Variants in TUBE1 observed in about 807,000 individuals in gnomAD.
The protein encoded by TUBE1 is tubulin epsilon 1.
A neutral mutation model predicts 53.5 loss-of-function variants in TUBE1; 34 were observed. The observed-to-expected ratio is 0.64, with a 90% confidence interval of 0.48 to 0.85. The LOEUF is 0.85. Among genes scored for constraint, TUBE1 ranks in the 40% least tolerant of loss-of-function variants. The probability of loss-of-function intolerance (pLI) is 0.00; values close to 1 mark genes in which losing one functional copy is unlikely to be tolerated. For synonymous variants in TUBE1, 177 were observed against 198.4 expected (o/e 0.89, Z 0.91); for missense variants, 532 against 570.5 (o/e 0.93, Z 0.69).
At position 112,070,666 on chromosome 6, in the gene TUBE1, T is replaced by C. The variant is rs1225546984; in HGVS notation, c.*746A>G. 4.6e-5 allele frequency: 7 copies of C among 152,194 alleles called. No individual in the cohort carries two copies. The highest frequency in any genetic ancestry group is 1.4e-4 in the African/African-American group (6 of 41,460). 9.4% of individuals were successfully genotyped at this position (152,194 alleles called of 1,614,324 possible). A position where few individuals can be genotyped will look rare whatever the true frequency, so the allele number is the denominator to read the frequency against. ...ATGTTAAGGCTAGAACTGAAGATTA[T>C]AGTAACCGGAACAATTATAGCCATT... On this transcript the variant is annotated 3_prime_UTR_variant, in exon 12 of 12. Coordinates refer to ENST00000368662, the MANE Select transcript of TUBE1 (RefSeq NM_016262.5).
chr6:112,072,799 T>C lies in TUBE1; in HGVS notation c.1053A>G (p.Arg351=), dbSNP rs782343154. Residue 351 remains arginine (R), a synonymous_variant, in exon 10 of 12, where the codon AGA becomes AGG. Coordinates refer to ENST00000368662, the MANE Select transcript of TUBE1 (RefSeq NM_016262.5). ...SLYLACALMV[R]GNVQISDLRR... ...GAAGATCTGAAATTTGTACATTTCC[T>C]CTAACCATGAGTGCACAGGCGAGGT... The C allele has an allele frequency of 5.6e-6, 9 of 1,613,416 alleles. No individual in the cohort carries two copies. The highest frequency in any genetic ancestry group is 3.3e-5 in the South Asian group (3 of 91,028).
Position 112,072,874 on chromosome 6 carries a change from G to A in TUBE1, c.978C>T (p.Ala326=), listed in dbSNP as rs1554315577. The A allele has an allele frequency of 1.9e-6, 3 of 1,613,076 alleles. No individual in the cohort carries two copies. The highest frequency in any genetic ancestry group is 2.5e-6 in the Non-Finnish European group (3 of 1,179,600). ...PRRLDQMFSD[A]FSKDHQLLRA... ...GAAGCAGCTGGTGATCTTTACTAAA[G>A]GCATCTGAAAACATCTGATCCAATC... Residue 326 remains alanine (A), a synonymous_variant, in exon 10 of 12, where the codon GCC becomes GCT. Transcript: ENST00000368662.
chr6:112,086,814 G>T (rs1328446937), intron 2 of TUBE1: 1 of 530,688 alleles, frequency 1.9e-6, no homozygotes, highest in Non-Finnish European at 3.3e-6. Flanking sequence ...TCAGCAGGGG[G>T]TGCTAAAGAA....
At chr6:112,072,978 ATAAG>A (rs782695020) in intron 9 of TUBE1, 80 bp from the exon 10 acceptor site, 19 of 1,358,336 alleles carry the variant, frequency 1.4e-5, no homozygotes, top group South Asian at 2.9e-5. Context: ...ATAGTCCTCT[ATAAG>A]TAAGAAACCA....
rs1398505806 is a variant in TUBE1 at position 112,076,011 on chromosome 6, A to C, written c.738T>G (p.Ala246=). ...AGGGCTTCTTATGCTGCTTTTTTAA[A>C]GCCCCAGAACTTGAAGTAACCAGAC... is the stretch of plus-strand genomic sequence containing the variant. ...PKSLVTSSSG[A]LKKQHKKPFD... The change falls in exon 8 of 12, where the codon GCT becomes GCG. Residue 246 remains alanine, a synonymous_variant. Coordinates refer to ENST00000368662, the MANE Select transcript of TUBE1 (RefSeq NM_016262.5). 6.2e-7 allele frequency: 1 copy of C among 1,613,844 alleles called. No individual in the cohort carries two copies. The highest frequency in any genetic ancestry group is 1.3e-5 in the African/African-American group (1 of 74,926).
chr6:112,071,753 G>T, intron 11 of TUBE1, 149 bp downstream of exon 11: 2 of 925,418 alleles, frequency 2.2e-6, no homozygotes, highest in Non-Finnish European at 3.1e-6. Context: ...AGTAAAAGTA[G>T]CATGAGTAAG....
chr6:112,081,254 T>G, intron 4 of TUBE1, 47 bp from the exon 5 acceptor site: 2 of 1,058,964 alleles, frequency 1.9e-6, no homozygotes, highest in Non-Finnish European at 2.8e-6. Flanking sequence ...CTTTTAGAGT[T>G]ATTCACTCTG....
chr6:112,086,125 C>T (rs587721974), intron 3 of TUBE1, among the ~76,000 whole-genome samples: 44 of 152,304 alleles, frequency 2.9e-4, no homozygotes, highest in Non-Finnish European at 5.0e-4. Flanking sequence ...AATTACTCTT[C>T]CAGATAAAAC....
chr6:112,076,901 A>G (rs1776980586), intron 6 of TUBE1: 1 of 153,530 alleles, frequency 6.5e-6, no homozygotes, highest in South Asian at 2.1e-4. Flanking sequence ...TTTTCAGCTT[A>G]TTTCTGTGAT....
intron 4 of TUBE1, among the ~76,000 whole-genome samples, chr6:112,081,954 T>C (rs1233323463): frequency 1.3e-5 from 2 of 151,884 alleles, no homozygotes; most frequent in African/African-American, 2.4e-5. Flanking sequence ...GTAAACTAAG[T>C]AGAGTTAAAT....
At chr6:112,076,264 A>G in intron 7 of TUBE1, 58 bp downstream of exon 7, 2 of 1,488,568 alleles carry the variant, frequency 1.3e-6, no homozygotes, top group Admixed American at 4.4e-5. Flanking sequence ...ACACACATAC[A>G]TAATACAGGA....
At chr6:112,075,069 T>TTTTTTTTTTTTTTTTTTC (rs1776938310) in intron 8 of TUBE1, 1 of 66,102 alleles carries the variant, frequency 1.5e-5, no homozygotes. Context: ...TTTTTCTTTC[T>TTTTTTTTTTTTTTTTTTC]TTTTTTTTTT....
chr6:112,081,064 A>T, intron 5 of TUBE1, 28 bp downstream of exon 5: 1 of 1,334,048 alleles, frequency 7.5e-7, no homozygotes, highest in Admixed American at 1.8e-5. Context: ...TTCAGAAGAT[A>T]TTCAATTTTT....
In TUBE1 at chr6:112,075,942, T is replaced by C; in HGVS notation, c.807A>G (p.Leu269=). The C allele has an allele frequency of 6.2e-7, 1 of 1,607,722 alleles. No homozygotes were observed. The highest frequency in any genetic ancestry group is 8.5e-7 in the Non-Finnish European group (1 of 1,176,460). Residue 269 remains leucine (L), a synonymous_variant, in exon 8 of 12, where the codon CTA becomes CTG. Transcript: ENST00000368662. ...CTATCCCTGGATAGAATTACCTCGT[T>C]AGGTTGAGGAGCAAATTTGCCACAA... ...NNIVANLLLN[L]TSSARFEGSL...
chr6:112,071,760 TAA>T (rs1389346690), intron 11 of TUBE1, 140 bp downstream of exon 11: 1 of 959,758 alleles, frequency 1.0e-6, no homozygotes, highest in Non-Finnish European at 1.5e-6. Context: ...GTAGCATGAG[TAA>T]GCCTCTCCTC....
intron 3 of TUBE1, 68 bp downstream of exon 3, chr6:112,086,488 G>T: frequency 1.6e-6 from 2 of 1,226,712 alleles, no homozygotes; most frequent in African/African-American, 1.5e-5. Flanking sequence ...ATTGTCCTTT[G>T]AAGAATTCTC....
At position 112,071,217 on chromosome 6, in the gene TUBE1, T is replaced by C. The variant is rs1554315257; in HGVS notation, c.*195A>G. ...TTTTCTGAAGAGAAATGTTTGAAGT[T>C]AAGGTACTAAGATTTCACTAATTTC... On this transcript the variant is annotated 3_prime_UTR_variant, in exon 12 of 12. Transcript: ENST00000368662. The C allele has an allele frequency of 4.3e-6, 2 of 469,416 alleles. No individual in the cohort carries two copies. The highest frequency in any genetic ancestry group is 3.9e-5 in the African/African-American group (2 of 51,278). The allele number at this position is 469,416 out of a possible 1,614,324, so 29.1% of individuals were successfully genotyped here. A position where few individuals can be genotyped will look rare whatever the true frequency, so the allele number is the denominator to read the frequency against.
chr6:112,074,678 C>A lies in TUBE1; in HGVS notation c.953+32G>T, dbSNP rs1454122572. 3 of 1,409,536 alleles carry A rather than the reference C, an allele frequency of 2.1e-6. No homozygotes were observed. The South Asian group carries it at 5.4e-5, about 25-fold the overall frequency. 87.3% of individuals were successfully genotyped at this position (1,409,536 alleles called of 1,614,324 possible). ...AAATGTTTTTTAAAGTAATTTGAGG[C>A]CTCAAAAAATTGAAACAAAGTTACA... On this transcript the variant is annotated intron_variant, in intron 9 of 11. Transcript: ENST00000368662.
intron 9 of TUBE1, among the ~76,000 whole-genome samples, chr6:112,074,045 A>C (rs782100365): frequency 1.2e-4 from 19 of 152,162 alleles, no homozygotes. Context: ...CAGCCAATTT[A>C]GTTTTCCCTT....
Sources: allele counts gnomAD v4.1 joint callset (sites outside exome capture counted in the v4.1 genomes callset), GRCh38; gene constraint gnomAD v4.1.1; transcripts MANE v1.5; gene names NCBI Gene and HGNC (gene_info 2026-07-23, HGNC 2026-07-21).